Variants in RBFOX3 observed in about 807,000 individuals in gnomAD.
RBFOX3 encodes the protein RNA binding protein fox-1 homolog 3.
RBFOX3 carries 17 observed loss-of-function variants against 48.7 expected under a neutral mutation model. That is an observed-to-expected ratio of 0.35 (90% CI 0.24 to 0.52). The LOEUF (loss-of-function observed/expected upper bound fraction) is 0.52. Ranked by LOEUF, RBFOX3 falls within the 20% of genes least tolerant of loss-of-function variation. The pLI is 0.94. For missense variants in RBFOX3, 382 were observed against 497.5 expected (o/e 0.77, Z 2.21); for synonymous variants, 212 against 209.5 (o/e 1.01, Z -0.10).
At chr17:79,494,946 C>T (rs973209654) in intron 1 of RBFOX3, among the ~76,000 whole-genome samples, 1 of 152,186 alleles carries the variant, frequency 6.6e-6, no homozygotes, top group Non-Finnish European at 1.5e-5. Context: ...GGGAGCTGGG[C>T]CCCGAGGAGG....
intron 8 of RBFOX3, among the ~76,000 whole-genome samples, chr17:79,102,490 C>T (rs921530616): frequency 3.3e-5 from 5 of 152,218 alleles, no homozygotes; most frequent in African/African-American, 1.2e-4. Flanking sequence ...CTTTGGCTGC[C>T]CTGCCTGTTG....
intron 1 of RBFOX3, among the ~76,000 whole-genome samples, chr17:79,510,778 C>T (rs959693377): frequency 2.0e-3 from 298 of 152,222 alleles, no homozygotes; most frequent in African/African-American, 6.9e-3. Flanking sequence ...TTCCTTTGGG[C>T]GCCTCCCTTG....
At chr17:79,359,101 A>C (rs2147223963) in intron 2 of RBFOX3, among the ~76,000 whole-genome samples, 1 of 152,268 alleles carries the variant, frequency 6.6e-6, no homozygotes, top group South Asian at 2.1e-4. Context: ...CCTCTCTACA[A>C]CTGTATTTTA....
upstream of RBFOX3, among the ~76,000 whole-genome samples, chr17:79,612,641 A>G (rs2093977559): frequency 1.3e-5 from 2 of 152,350 alleles, no homozygotes; most frequent in Non-Finnish European, 2.9e-5. Flanking sequence ...ACAGCCCCAC[A>G]GCTAACCACC....
intron 2 of RBFOX3, among the ~76,000 whole-genome samples, chr17:79,320,967 A>C (rs1426517720): frequency 2.0e-5 from 3 of 152,164 alleles, no homozygotes; most frequent in Non-Finnish European, 4.4e-5. Context: ...CCGTCACAGC[A>C]ACACTGGATC....
At chr17:79,163,828 T>C (rs979388140) in intron 4 of RBFOX3, among the ~76,000 whole-genome samples, 1 of 152,160 alleles carries the variant, frequency 6.6e-6, no homozygotes, top group African/African-American at 2.4e-5. Context: ...CCAGGTGCTG[T>C]GGGTGTCTCT....
Position 79,418,362 on chromosome 17 carries a change from T to C in RBFOX3, c.-175+64092A>G, listed in dbSNP as rs1555720271. On this transcript the variant is annotated intron_variant, in intron 2 of 14. Coordinates refer to ENST00000693108, the MANE Select transcript of RBFOX3 (RefSeq NM_001350451.2). This position sits in a 1 kb window ranked among gnomAD's most constrained non-coding sequence, Gnocchi z 5.0. ...TTTCCCACACTAAAAGTTGGCCACGTTCTTCCTACAGCAAAAGAAAGGTAC... is the reference window on the plus strand; with the variant it reads ...TTTCCCACACTAAAAGTTGGCCACGCTCTTCCTACAGCAAAAGAAAGGTAC... 6.6e-6 allele frequency among the ~76,000 whole-genome samples: 1 copy of C among 152,122 alleles called. No individual in the cohort carries two copies. The highest frequency in any genetic ancestry group is 2.4e-5 in the African/African-American group (1 of 41,414).
intron 1 of RBFOX3, among the ~76,000 whole-genome samples, chr17:79,605,419 T>C (rs2093805157): frequency 6.6e-6 from 1 of 152,180 alleles, no homozygotes; most frequent in Non-Finnish European, 1.5e-5. Flanking sequence ...CCCGGCCACC[T>C]TCCTCGCCAG....
At chr17:79,285,829 G>T (rs371215051) in intron 3 of RBFOX3, among the ~76,000 whole-genome samples, 2 of 152,086 alleles carry the variant, frequency 1.3e-5, no homozygotes, top group East Asian at 1.9e-4. Context: ...GATTACAGGC[G>T]CCCACCATCA....
intron 2 of RBFOX3, among the ~76,000 whole-genome samples, chr17:79,369,399 G>C (rs1369892481): frequency 1.3e-5 from 2 of 152,176 alleles, no homozygotes; most frequent in African/African-American, 4.8e-5. Context: ...TGCCGTGACT[G>C]CTGGGGGCAA....
At chr17:79,317,185 G>A (rs184483459) in intron 2 of RBFOX3, among the ~76,000 whole-genome samples, 1 of 152,092 alleles carries the variant, frequency 6.6e-6, no homozygotes, top group African/African-American at 2.4e-5. Context: ...CTTTCTCAAG[G>A]CCACACAGTC....
chr17:79,375,111 T>A (rs754943765), intron 2 of RBFOX3, among the ~76,000 whole-genome samples: 4 of 152,222 alleles, frequency 2.6e-5, no homozygotes, highest in African/African-American at 4.8e-5. Flanking sequence ...CCTGTGTTCC[T>A]ACAGTAATGT....
intron 1 of RBFOX3, among the ~76,000 whole-genome samples, chr17:79,582,318 GTGTGCC>G: frequency 6.6e-6 from 1 of 152,224 alleles, no homozygotes; most frequent in African/African-American, 2.4e-5. Flanking sequence ...GCCTGTGTGT[GTGTGCC>G]TGTGCCTGTC....
chr17:79,289,093 G>A (rs923786655), intron 3 of RBFOX3, among the ~76,000 whole-genome samples: 1 of 152,156 alleles, frequency 6.6e-6, no homozygotes, highest in African/African-American at 2.4e-5. Context: ...ACCAGAACCT[G>A]TCATCTCTAA....
intron 2 of RBFOX3, among the ~76,000 whole-genome samples, chr17:79,459,950 C>T (rs913922823): frequency 1.2e-4 from 18 of 152,094 alleles, no homozygotes; most frequent in African/African-American, 4.1e-4. Context: ...GTCCAAGCAG[C>T]GGAAGATTAC....
At chr17:79,488,281 ATAG>A (rs1367802321) in intron 1 of RBFOX3, among the ~76,000 whole-genome samples, 7 of 152,194 alleles carry the variant, frequency 4.6e-5, no homozygotes, top group African/African-American at 1.7e-4. Flanking sequence ...GGCTTCATTT[ATAG>A]GATTTAAGAT....
chr17:79,520,420 A>G (rs990398249), intron 1 of RBFOX3, among the ~76,000 whole-genome samples: 9,621 of 152,224 alleles, frequency 0.063, 643 homozygotes, highest in African/African-American at 0.17. Context: ...GCTGCAGCTG[A>G]GCGAGCTGCC....
chr17:79,142,305 G>A (rs545858378), intron 4 of RBFOX3, among the ~76,000 whole-genome samples: 1 of 152,222 alleles, frequency 6.6e-6, no homozygotes, highest in African/African-American at 2.4e-5. Context: ...GAGCCTCCAG[G>A]GGTGGGAGCA....
At chr17:79,495,177 C>G (rs72634309) in intron 1 of RBFOX3, among the ~76,000 whole-genome samples, 151,213 of 151,216 alleles carry the variant, frequency 1, 75,605 homozygotes, top group Middle Eastern at 1. Context: ...ACCTGGCTTA[C>G]GTCGGGTGGG....
Sources: allele counts gnomAD v4.1 joint callset (sites outside exome capture counted in the v4.1 genomes callset), GRCh38; gene constraint gnomAD v4.1.1; non-coding constraint Gnocchi (gnomAD v3.1); transcripts MANE v1.5; gene names NCBI Gene and HGNC (gene_info 2026-07-23, HGNC 2026-07-21).